The following CSMD2 variants were observed in gnomAD, a reference collection of about 807,000 sequenced individuals.
CSMD2 encodes CUB and sushi domain-containing protein 2.
CSMD2 carries 130 observed loss-of-function variants against 398.5 expected under a neutral mutation model. The observed-to-expected ratio is 0.33, with a 90% CI of 0.28 to 0.38. The LOEUF is 0.38. Ranked by LOEUF, CSMD2 falls within the 10% of genes least tolerant of loss-of-function variation. The probability of loss-of-function intolerance (pLI) is 1.00; values close to 1 mark genes in which losing one functional copy is unlikely to be tolerated. For missense variants in CSMD2, 3,829 were observed against 4,764.9 expected, an observed-to-expected ratio of 0.80 and a Z score of 5.78; for synonymous variants, 1,828 against 1,908.5, an observed-to-expected ratio of 0.96 and a Z score of 1.10.
At chr1:33,837,691 A>C (rs1660446266) in intron 6 of CSMD2, among the ~76,000 whole-genome samples, 1 of 152,240 alleles carries the variant, frequency 6.6e-6, no homozygotes, top group African/African-American at 2.4e-5. Flanking sequence ...ACATACAAAA[A>C]AGAAGTCATA....
At chr1:33,531,477 C>A (rs1655226250) in intron 64 of CSMD2, among the ~76,000 whole-genome samples, 1 of 152,098 alleles carries the variant, frequency 6.6e-6, no homozygotes, top group Admixed American at 6.6e-5. Context: ...GATATGTCCC[C>A]AGGAGAACTG....
At chr1:34,106,158 T>A (rs1660505336) in intron 1 of CSMD2, among the ~76,000 whole-genome samples, 1 of 151,740 alleles carries the variant, frequency 6.6e-6, no homozygotes, top group African/African-American at 2.4e-5. Context: ...CCTCAAGGAG[T>A]TCACAGTGGA....
intron 5 of CSMD2, chr1:33,864,245 C>CT (rs1639783109): frequency 6.2e-7 from 1 of 1,613,178 alleles, no homozygotes; most frequent in East Asian, 2.2e-5. Context: ...CTTACGTTCA[C>CT]TTTTTGCTGA....
chr1:33,589,955 T>G (rs988783281), intron 44 of CSMD2, among the ~76,000 whole-genome samples: 6 of 152,208 alleles, frequency 3.9e-5, no homozygotes, highest in African/African-American at 1.2e-4. Flanking sequence ...GTTAAAAAAA[T>G]TGGTGCCTTC....
At chr1:34,071,191 C>T (rs929955122) in intron 2 of CSMD2, among the ~76,000 whole-genome samples, 2 of 152,198 alleles carry the variant, frequency 1.3e-5, no homozygotes, top group African/African-American at 2.4e-5. Flanking sequence ...CTATAAACTT[C>T]GTGAAAACAT....
At chr1:33,782,529 T>C (rs1271818295) in intron 12 of CSMD2, among the ~76,000 whole-genome samples, 2 of 152,130 alleles carry the variant, frequency 1.3e-5, no homozygotes, top group East Asian at 3.9e-4. Flanking sequence ...AGATCCTGAT[T>C]ATAAGCTGGG....
chr1:33,909,992 C>G (rs1570473341), intron 5 of CSMD2, among the ~76,000 whole-genome samples: 1 of 152,284 alleles, frequency 6.6e-6, no homozygotes, highest in East Asian at 1.9e-4. Context: ...CATGGCCCCA[C>G]CATAGTCATT....
At chr1:33,809,075 A>C (rs1656561268) in intron 10 of CSMD2, among the ~76,000 whole-genome samples, 1 of 152,010 alleles carries the variant, frequency 6.6e-6, no homozygotes, top group South Asian at 2.1e-4. Context: ...AGACCACGAT[A>C]GTTTTGCTGA....
chr1:33,772,702 C>T lies in CSMD2; in HGVS notation c.1713G>A (p.Arg571=). ...CGDPGIPAYG[R]REGSRFHHGD... ...CGTGGTGAAACCGGGAGCCTTCCCT[C>T]CGGCCATATGCAGGTATGCCAGGGT... The change falls in exon 13 of 71, where the codon CGG becomes CGA. Residue 571 remains arginine, a synonymous_variant. Coordinates refer to ENST00000373381, the MANE Select transcript of CSMD2 (RefSeq NM_001281956.2). The T allele has an allele frequency of 6.2e-7, 1 of 1,614,146 alleles. No homozygotes were observed. The highest frequency in any genetic ancestry group is 8.5e-7 in the Non-Finnish European group (1 of 1,180,004).
intron 41 of CSMD2, 41 bp downstream of exon 41, chr1:33,611,000 G>C: frequency 6.3e-7 from 1 of 1,578,752 alleles, no homozygotes; most frequent in Non-Finnish European, 8.7e-7. Context: ...GCAAGAGATG[G>C]AGATAGACAG....
intron 5 of CSMD2, among the ~76,000 whole-genome samples, chr1:33,905,591 G>A (rs906445830): frequency 1.2e-4 from 19 of 152,232 alleles, no homozygotes; most frequent in Non-Finnish European, 5.9e-5. Flanking sequence ...CCATTCCGTG[G>A]TAGCTGAGTG....
intron 9 of CSMD2, among the ~76,000 whole-genome samples, chr1:33,817,232 G>C (rs1657571042): frequency 6.6e-6 from 1 of 152,158 alleles, no homozygotes; most frequent in Non-Finnish European, 1.5e-5. Flanking sequence ...AAACCCAGGA[G>C]ACTTAGCAGT....
chr1:33,722,728 CT>C (rs74259845), intron 19 of CSMD2, among the ~76,000 whole-genome samples: 2,580 of 144,016 alleles, frequency 0.018, 73 homozygotes, highest in Admixed American at 0.07. Context: ...TTTTATGGAA[CT>C]TTTTTTTTTT....
At chr1:33,982,759 G>A (rs934129246) in intron 3 of CSMD2, among the ~76,000 whole-genome samples, 3 of 152,234 alleles carry the variant, frequency 2.0e-5, no homozygotes, top group African/African-American at 7.2e-5. Flanking sequence ...GCACCCTCAA[G>A]GCGCTGGATC....
At chr1:33,848,810 G>GGT (rs1557999345) in intron 5 of CSMD2, among the ~76,000 whole-genome samples, 2 of 142,728 alleles carry the variant, frequency 1.4e-5, no homozygotes, top group Non-Finnish European at 1.5e-5. Flanking sequence ...CGTATTGTGG[G>GGT]TTTTTTTTTT....
chr1:33,663,563 T>C (rs1644212653), intron 25 of CSMD2, among the ~76,000 whole-genome samples: 1 of 152,028 alleles, frequency 6.6e-6, no homozygotes, highest in Non-Finnish European at 1.5e-5. Context: ...GGCCCAGCCA[T>C]GGTGCAGGTA....
rs550635928 is a variant in CSMD2 at position 33,608,015 on chromosome 1, G to A, written c.6344-2545C>T. On this transcript the variant is annotated intron_variant, in intron 41 of 70. Coordinates refer to ENST00000373381, the MANE Select transcript of CSMD2 (RefSeq NM_001281956.2). The stretch of plus-strand genomic sequence containing the variant: ...CTGCAAACCTCAGTGGGAGAGACAG[G>A]CCCATCCCAGGGAGGGACACTAGTC... Among the ~76,000 whole-genome samples, 188 of 152,324 alleles carry A rather than the reference G, an allele frequency of 1.2e-3. 1 individual carries two copies. Among genetic ancestry groups the A allele is most frequent in the Middle Eastern group, 6.8e-3 (2 of 294 alleles).
rs114694562 is a variant in CSMD2 at position 33,650,251 on chromosome 1, T to C, written c.4586+2072A>G. ...CACTTCTGCCTTCAAAAATTGATGG[T>C]GCTGTAGGAAGTGACAGATATATCA... On this transcript the variant is annotated intron_variant, in intron 28 of 70. Coordinates refer to ENST00000373381, the MANE Select transcript of CSMD2 (RefSeq NM_001281956.2). Among the ~76,000 whole-genome samples, 635 of 152,256 alleles carry C rather than the reference T, an allele frequency of 4.2e-3. 3 individuals carry two copies. Among genetic ancestry groups the C allele is most frequent in the African/African-American group, 0.013 (557 of 41,540 alleles).
At chr1:33,733,941 T>C (rs1024200651) in intron 15 of CSMD2, among the ~76,000 whole-genome samples, 1 of 152,220 alleles carries the variant, frequency 6.6e-6, no homozygotes, top group Non-Finnish European at 1.5e-5. Flanking sequence ...ATGTGCTCAA[T>C]GATTACCAGC....
Sources: allele counts gnomAD v4.1 joint callset (sites outside exome capture counted in the v4.1 genomes callset), GRCh38; gene constraint gnomAD v4.1.1; transcripts MANE v1.5; gene names NCBI Gene and HGNC (gene_info 2026-07-23, HGNC 2026-07-21).